The following DHPS variants were observed in gnomAD, a reference collection of about 807,000 sequenced individuals.
DHPS encodes deoxyhypusine synthase.
In DHPS, 24 loss-of-function variants were observed where a neutral mutation model predicts 38.7. The ratio of observed to expected loss-of-function variants is 0.62; its 90% confidence interval spans 0.45 to 0.87. DHPS has a LOEUF of 0.87. DHPS is among the 40% of genes least tolerant of loss of function. The pLI is 0.00. For synonymous variants in DHPS, 250 were observed against 204.4 expected (o/e 1.22, Z -1.90); for missense variants, 510 against 497.6 (o/e 1.02, Z -0.24).
At chr19:12,676,946 C>T (rs762048777) in intron 7 of DHPS, 162 bp downstream of exon 7, 11 of 651,810 alleles carry the variant, frequency 1.7e-5, no homozygotes, top group African/African-American at 1.1e-4. Flanking sequence ...AATGACTGCC[C>T]CCTGACGTGG....
chr19:12,679,180 C>T (rs2024714767), intron 5 of DHPS, among the ~76,000 whole-genome samples: 1 of 152,002 alleles, frequency 6.6e-6, no homozygotes, highest in Non-Finnish European at 1.5e-5. Context: ...TGCCTGTGGT[C>T]CCAGCTACTC....
intron 1 of DHPS, chr19:12,681,265 T>A (rs2024800466): frequency 1.5e-6 from 2 of 1,297,744 alleles, no homozygotes; most frequent in Non-Finnish European, 2.0e-6. Flanking sequence ...TAATTTGTCT[T>A]GCCCCAGGCT....
rs758855121 is a variant in DHPS at position 12,679,934 on chromosome 19, A to C, written c.373-12T>G. On this transcript the variant is annotated splice_polypyrimidine_tract_variant and intron_variant, in intron 2 of 8. Coordinates refer to ENST00000210060, the MANE Select transcript of DHPS (RefSeq NM_001930.4). ...ACCAATACGTCCACCTGCAGCCACA[A>C]GGCAGTGAATTTGGCCCAAGAAGGA... The C allele has an allele frequency of 1.2e-6, 2 of 1,608,632 alleles. No homozygotes were observed. The highest frequency in any genetic ancestry group is 3.4e-5 in the Admixed American group (2 of 59,268).
rs1327073381 is a variant in DHPS at position 12,677,637 on chromosome 19, TC to T, written c.679-242del. ...CTTAGCTTGCTGAGCTGTTTCTCTC[TC>T]TTTTTTTTTATTCCCTGAGACGGAG... On this transcript the variant is annotated intron_variant, in intron 5 of 8. Transcript: ENST00000210060. 7.3e-4 allele frequency among the ~76,000 whole-genome samples: 111 copies of T among 151,950 alleles called. 2 individuals are homozygous for T. Among genetic ancestry groups the T allele is most frequent in the African/African-American group, 2.6e-3 (107 of 41,364 alleles).
At chr19:12,680,379 G>GCCTTA in intron 1 of DHPS, 54 bp from the exon 2 acceptor site, 5 of 1,599,356 alleles carry the variant, frequency 3.1e-6, no homozygotes, top group Non-Finnish European at 4.3e-6. Flanking sequence ...CCAGACTCAG[G>GCCTTA]ACTCCAGGTG....
chr19:12,679,550 G>A lies in DHPS; in HGVS notation c.592-7C>T, dbSNP rs1005231170. On this transcript the variant is annotated splice_polypyrimidine_tract_variant and splice_region_variant and intron_variant, in intron 4 of 8. Coordinates refer to ENST00000210060, the MANE Select transcript of DHPS (RefSeq NM_001930.4). ...AAGGCGTCCACTTTACACCCTAGGA[G>A]AGGATGTGACCTTCAGGCCATGCCT... is the stretch of plus-strand genomic sequence containing the variant. The A allele has an allele frequency of 5.6e-6, 9 of 1,614,026 alleles. No homozygotes were observed. The highest frequency in any genetic ancestry group is 7.6e-6 in the Non-Finnish European group (9 of 1,180,002).
intron 3 of DHPS, 40 bp downstream of exon 3, chr19:12,679,761 T>C: frequency 3.7e-6 from 6 of 1,614,172 alleles, no homozygotes; most frequent in Non-Finnish European, 4.2e-6. Flanking sequence ...CCAGGACCCT[T>C]GGTCCAGCTC....
chr19:12,672,769 TG>T, downstream of DHPS: 1 of 1,456,516 alleles, frequency 6.9e-7, no homozygotes. Flanking sequence ...GCAGGCCCAC[TG>T]GGCTGGGAAG....
At chr19:12,678,317 A>G (rs2024684235) in intron 5 of DHPS, among the ~76,000 whole-genome samples, 1 of 151,604 alleles carries the variant, frequency 6.6e-6, no homozygotes, top group Non-Finnish European at 1.5e-5. Flanking sequence ...TACAAAAACA[A>G]TTAGCCAGGC....
At chr19:12,679,346 T>A (rs2024720634) in intron 5 of DHPS, 111 bp downstream of exon 5, 5 of 1,054,336 alleles carry the variant, frequency 4.7e-6, no homozygotes, top group Non-Finnish European at 7.3e-6. Context: ...TCTCCTCATC[T>A]AAGAGTGAGG....
intron 1 of DHPS, 50 bp from the exon 2 acceptor site, chr19:12,680,375 T>A (rs1248006726): frequency 6.2e-7 from 1 of 1,605,802 alleles, no homozygotes; most frequent in Non-Finnish European, 8.5e-7. Flanking sequence ...AATCCCAGAC[T>A]CAGGACTCCA....
intron 5 of DHPS, among the ~76,000 whole-genome samples, chr19:12,678,717 T>C (rs958009754): frequency 7.9e-6 from 1 of 125,920 alleles, no homozygotes; most frequent in Non-Finnish European, 1.6e-5. Flanking sequence ...TGCAGTGAGC[T>C]GAAATCACAC....
downstream of DHPS, among the ~76,000 whole-genome samples, chr19:12,674,640 G>A (rs925005348): frequency 1.3e-5 from 2 of 152,312 alleles, no homozygotes. Flanking sequence ...TTGGGACCAG[G>A]GGAAGTGGGG....
At position 12,675,984 on chromosome 19, in the gene DHPS, A is replaced by G. The variant is rs753866122; in HGVS notation, c.1014+33T>C. ...CCATGGGACCCACACTCATCGTCCC[A>G]GAGACCCTATGCCCCACCCAGCCAG... On this transcript the variant is annotated intron_variant, in intron 8 of 8. Transcript: ENST00000210060. The G allele has an allele frequency of 2.5e-6, 4 of 1,608,656 alleles. No homozygotes were observed. The African/African-American group carries it at 4.0e-5, about 16-fold the overall frequency.
At chr19:12,673,046 T>C (rs150648926), downstream of DHPS, 1 of 1,613,688 alleles carries the variant, frequency 6.2e-7, no homozygotes, top group Admixed American at 1.7e-5. Context: ...GGATGGGCAG[T>C]GCACCCTGGT....
At chr19:12,674,121 G>A (rs889634831), downstream of DHPS, among the ~76,000 whole-genome samples, 1 of 152,200 alleles carries the variant, frequency 6.6e-6, no homozygotes, top group African/African-American at 2.4e-5. Context: ...CGGCAGGTGC[G>A]GCAAGATCCG....
chr19:12,678,797 T>G (rs2024701658), intron 5 of DHPS, among the ~76,000 whole-genome samples: 1 of 136,218 alleles, frequency 7.3e-6, no homozygotes, highest in Non-Finnish European at 1.6e-5. Context: ...AAAAAGACTA[T>G]GTAGCTTTTT....
intron 7 of DHPS, chr19:12,676,398 C>G: frequency 2.1e-6 from 1 of 482,990 alleles, no homozygotes; most frequent in Admixed American, 3.8e-5. Context: ...GAGCTGCCAG[C>G]AACTCTATCT....
intron 7 of DHPS, chr19:12,676,739 G>A (rs981232228): frequency 2.3e-5 from 7 of 304,936 alleles, no homozygotes; most frequent in South Asian, 1.9e-4. Context: ...TCCCTCTCCT[G>A]GGAACTTTGC....
Sources: gnomAD v4.1 joint callset for allele counts (sites outside exome capture counted in the v4.1 genomes callset) on GRCh38, gnomAD v4.1.1 for gene constraint, MANE v1.5 for transcripts, NCBI Gene and HGNC (gene_info 2026-07-23, HGNC 2026-07-21) for gene names.